HHAT: variants seen among roughly 807,000 people sequenced by gnomAD.
The protein encoded by HHAT is protein-cysteine N-palmitoyltransferase HHAT.
In HHAT, 47 loss-of-function variants were observed where a neutral mutation model predicts 70.8. The observed-to-expected ratio is 0.66, with a 90% confidence interval of 0.53 to 0.85. HHAT has a LOEUF of 0.85. Ranked by LOEUF, HHAT falls within the 40% of genes least tolerant of loss-of-function variation. The probability of loss-of-function intolerance (pLI) is 0.00; values close to 1 mark genes in which losing one functional copy is unlikely to be tolerated. For missense variants in HHAT, 609 were observed against 604.8 expected (o/e 1.01, Z -0.07); for synonymous variants, 228 against 247.6 (o/e 0.92, Z 0.74).
chr1:210,627,086 C>T (rs967635181), intron 11 of HHAT, among the ~76,000 whole-genome samples: 1 of 152,138 alleles, frequency 6.6e-6, no homozygotes, highest in African/African-American at 2.4e-5. Context: ...GAAAGGTGGC[C>T]CTTCCCTCTG....
chr1:210,606,999 A>T (rs1261775564), intron 10 of HHAT, among the ~76,000 whole-genome samples: 1 of 152,178 alleles, frequency 6.6e-6, no homozygotes, highest in Non-Finnish European at 1.5e-5. Context: ...ATTCTCTTTG[A>T]TGCAATTTAT....
chr1:210,344,316 G>A (rs536432985), intron 1 of HHAT, among the ~76,000 whole-genome samples: 1 of 152,102 alleles, frequency 6.6e-6, no homozygotes, highest in Admixed American at 6.5e-5. Context: ...ATACCACTGA[G>A]TAGAAGAAAA....
rs1680786755 is a variant in HHAT at position 210,674,311 on chromosome 1, G to A, written c.1414G>A (p.Val472Ile). 6.8e-6 allele frequency: 11 copies of A among 1,614,000 alleles called. No individual in the cohort carries two copies. In the East Asian group the frequency reaches 2.0e-4, roughly 29 times the overall value. ...AGGCTGGCCTTGGGTGACCCTCTCT[G>A]TCCTGGGATTCCTGTACTGCTACTC... is the stretch of plus-strand genomic sequence containing the variant. ...IQGWPWVTLS[V>I]LGFLYCYSHV... The change falls in exon 12 of 12, where the codon GTC becomes ATC. Residue 472 changes from valine to isoleucine, a missense_variant. By Grantham distance (29) the Val-to-Ile change is conservative. Coordinates refer to ENST00000261458, the MANE Select transcript of HHAT (RefSeq NM_018194.6).
At chr1:210,653,529 C>CAA (rs35279362) in intron 11 of HHAT, among the ~76,000 whole-genome samples, 3,340 of 120,086 alleles carry the variant, frequency 0.028, 125 homozygotes, top group East Asian at 0.15. Context: ...GACCCTGTCT[C>CAA]AAAAAAAAAA....
intron 9 of HHAT, among the ~76,000 whole-genome samples, chr1:210,530,551 G>A (rs1467031639): frequency 6.6e-6 from 1 of 152,178 alleles, no homozygotes; most frequent in African/African-American, 2.4e-5. Flanking sequence ...GCAGCCTGTG[G>A]GAATGAGGAG....
intron 9 of HHAT, among the ~76,000 whole-genome samples, chr1:210,584,734 T>G (rs964789082): frequency 5.9e-5 from 9 of 152,210 alleles, no homozygotes; most frequent in Admixed American, 2.0e-4. Context: ...CCCCACTGTC[T>G]TCACTCACAC....
At chr1:210,346,892 CTTAT>C (rs1242600876) in intron 1 of HHAT, among the ~76,000 whole-genome samples, 4 of 152,152 alleles carry the variant, frequency 2.6e-5, no homozygotes, top group Non-Finnish European at 5.9e-5. Context: ...CAGTTATTTA[CTTAT>C]TTGTTTACTC....
intron 8 of HHAT, among the ~76,000 whole-genome samples, chr1:210,497,766 ATTT>A (rs574819096): frequency 7.4e-6 from 1 of 135,320 alleles, no homozygotes. Flanking sequence ...GCTGACTCTA[ATTT>A]TTTTTTTTTT....
chr1:210,617,489 G>A (rs1337868504), intron 10 of HHAT, among the ~76,000 whole-genome samples: 1 of 152,222 alleles, frequency 6.6e-6, no homozygotes, highest in Non-Finnish European at 1.5e-5. Context: ...AGCCATGGCA[G>A]TGGAAAAGTA....
chr1:210,483,703 A>G (rs544550042), intron 8 of HHAT, among the ~76,000 whole-genome samples: 4 of 152,350 alleles, frequency 2.6e-5, no homozygotes, highest in Non-Finnish European at 5.9e-5. Flanking sequence ...CCTCAGATTA[A>G]AGTCAGTTGT....
intron 2 of HHAT, among the ~76,000 whole-genome samples, chr1:210,351,830 A>T (rs1055389866): frequency 6.6e-6 from 1 of 152,166 alleles, no homozygotes; most frequent in South Asian, 2.1e-4. Flanking sequence ...CTGGGAAGTT[A>T]TACAGGTCAC....
chr1:210,349,813 G>A (rs1394287101), intron 2 of HHAT, among the ~76,000 whole-genome samples: 3 of 151,946 alleles, frequency 2.0e-5, no homozygotes, highest in Non-Finnish European at 4.4e-5. Context: ...ACCACGCCTG[G>A]CTAATTTTTG....
At chr1:210,655,231 A>G (rs1676126664) in intron 11 of HHAT, among the ~76,000 whole-genome samples, 1 of 151,990 alleles carries the variant, frequency 6.6e-6, no homozygotes, top group African/African-American at 2.4e-5. Context: ...CCTCCCTGCC[A>G]CTCCAGCTGC....
At chr1:210,640,397 G>T (rs1256563615) in intron 11 of HHAT, among the ~76,000 whole-genome samples, 1 of 152,098 alleles carries the variant, frequency 6.6e-6, no homozygotes, top group Non-Finnish European at 1.5e-5. Flanking sequence ...ATTGTTTGGG[G>T]CTAAGGGGTG....
At chr1:210,397,932 A>G (rs1347618158) in intron 4 of HHAT, among the ~76,000 whole-genome samples, 4 of 152,216 alleles carry the variant, frequency 2.6e-5, no homozygotes, top group African/African-American at 4.8e-5. Flanking sequence ...CTGCCCTGCC[A>G]TGATGCCAGT....
At chr1:210,605,746 A>G (rs560170889) in intron 10 of HHAT, among the ~76,000 whole-genome samples, 1 of 152,248 alleles carries the variant, frequency 6.6e-6, no homozygotes, top group African/African-American at 2.4e-5. Context: ...CATTCATCCC[A>G]TTCTTGGGTC....
intron 7 of HHAT, among the ~76,000 whole-genome samples, chr1:210,458,418 C>T (rs776762974): frequency 1.9e-4 from 29 of 152,148 alleles, no homozygotes; most frequent in Admixed American, 4.6e-4. Flanking sequence ...ATTGCCCTTC[C>T]GATCTTATAG....
chr1:210,552,841 C>G (rs566211093), intron 9 of HHAT, among the ~76,000 whole-genome samples: 2 of 152,132 alleles, frequency 1.3e-5, no homozygotes, highest in South Asian at 2.1e-4. Context: ...CCTTGAGAAA[C>G]CTTCCTTGGC....
chr1:210,472,199 A>G (rs1572681589), intron 8 of HHAT, among the ~76,000 whole-genome samples: 1 of 152,306 alleles, frequency 6.6e-6, no homozygotes, highest in East Asian at 1.9e-4. Context: ...AAATCCTCCC[A>G]CACGGCTTGT....
Sources: allele counts gnomAD v4.1 joint callset (sites outside exome capture counted in the v4.1 genomes callset), GRCh38; gene constraint gnomAD v4.1.1; transcripts MANE v1.5; gene names NCBI Gene and HGNC (gene_info 2026-07-23, HGNC 2026-07-21).